Variants in ADCY9 observed in about 807,000 individuals in gnomAD.
ADCY9 encodes adenylate cyclase 9.
A neutral mutation model predicts 101.5 loss-of-function variants in ADCY9; 50 were observed. The ratio of observed to expected loss-of-function variants is 0.49; its 90% CI spans 0.39 to 0.62. The LOEUF is 0.62. ADCY9 is among the 20% of genes least tolerant of loss of function. The pLI is 0.00. For missense variants in ADCY9, 1,662 were observed against 1,800.4 expected (o/e 0.92, Z 1.39); for synonymous variants, 905 against 769.3 (o/e 1.18, Z -2.92).
rs58833048 is a variant in ADCY9, at chr16:4,070,120, A to ATGTG, written c.1693+43626_1693+43629dup. The stretch of plus-strand genomic sequence containing the variant: ...CTCAAAAAAATATGTATGTGTGTGT[A>ATGTG]TGTGTGTGTGTGTGTGTGTGTGTGT... On this transcript the variant is annotated intron_variant, in intron 2 of 10. Coordinates refer to ENST00000294016, the MANE Select transcript of ADCY9 (RefSeq NM_001116.4). 4.4e-3 allele frequency among the ~76,000 whole-genome samples: 664 copies of ATGTG among 149,680 alleles called. 8 individuals carry two copies. Among genetic ancestry groups the ATGTG allele is most frequent in the African/African-American group, 0.015 (619 of 40,726 alleles).
chr16:4,051,056 T>G (rs890912306), intron 2 of ADCY9, among the ~76,000 whole-genome samples: 16 of 150,928 alleles, frequency 1.1e-4, no homozygotes, highest in Middle Eastern at 3.2e-3. Flanking sequence ...CTACTAAATA[T>G]ACAAAAATTA....
chr16:3,966,578 C>T lies in ADCY9; in HGVS notation c.3259G>A (p.Glu1087Lys). ...AGCTCGTCAAAGTCCCCGATGAGCT[C>T]GTTGAGGACCCGGTAGCACTCCTTG... ...GGKECYRVLN[E>K]LIGDFDELLS... Residue 1087 changes from glutamate (E) to lysine (K), a missense_variant, in exon 11 of 11, where the codon GAG (glutamate) becomes AAG (lysine). This residue lies in a region of ADCY9 where 220 missense variants were observed against 312.9 expected (regional missense o/e 0.70). Transcript: ENST00000294016. 1 of 1,614,146 alleles carries T rather than the reference C, an allele frequency of 6.2e-7. No individual in the cohort carries two copies. The highest frequency in any genetic ancestry group is 8.5e-7 in the Non-Finnish European group (1 of 1,180,030).
intron 2 of ADCY9, among the ~76,000 whole-genome samples, chr16:4,008,881 G>T (rs1245830062): frequency 2.0e-5 from 3 of 152,160 alleles, no homozygotes; most frequent in Non-Finnish European, 2.9e-5. Flanking sequence ...TTAAGCTCCA[G>T]CTTCAGGTCG....
chr16:3,974,721 A>G lies in ADCY9; in HGVS notation c.2829-11T>C, dbSNP rs1453584590. ...GAAGTTAATACAGAACTGAAATTAA[A>G]ATGCAGAAAAATATTATCATAAAGA... On this transcript the variant is annotated splice_polypyrimidine_tract_variant and intron_variant, in intron 9 of 10. Transcript: ENST00000294016. 1 of 1,609,188 alleles carries G rather than the reference A, an allele frequency of 6.2e-7. No individual in the cohort carries two copies.
At chr16:3,978,705 G>GTTTAT (rs965186551) in intron 8 of ADCY9, among the ~76,000 whole-genome samples, 1 of 152,108 alleles carries the variant, frequency 6.6e-6, no homozygotes, top group Non-Finnish European at 1.5e-5. Flanking sequence ...CTCTTCAAGG[G>GTTTAT]TTTATTTTAT....
chr16:4,008,462 A>C (rs893903482), intron 2 of ADCY9, among the ~76,000 whole-genome samples: 15 of 152,284 alleles, frequency 9.9e-5, no homozygotes, highest in African/African-American at 3.6e-4. Context: ...CCAGATGGCA[A>C]ATGTATCGGA....
chr16:4,019,685 T>C (rs1377785247), intron 2 of ADCY9, among the ~76,000 whole-genome samples: 4 of 152,074 alleles, frequency 2.6e-5, no homozygotes, highest in Non-Finnish European at 5.9e-5. Flanking sequence ...AAAACCACTG[T>C]TGTCAAAGGA....
intron 2 of ADCY9, among the ~76,000 whole-genome samples, chr16:4,027,518 C>CA (rs1247177016): frequency 1.3e-5 from 2 of 152,196 alleles, no homozygotes; most frequent in African/African-American, 2.4e-5. Context: ...CAAGGAGGAG[C>CA]AAGTCACGTC....
At chr16:4,046,749 C>G (rs904739422) in intron 2 of ADCY9, among the ~76,000 whole-genome samples, 4 of 152,144 alleles carry the variant, frequency 2.6e-5, no homozygotes, top group African/African-American at 9.7e-5. Flanking sequence ...TGACATGATC[C>G]TTTTCTAAAA....
At chr16:4,003,861 G>T (rs2056349220) in intron 3 of ADCY9, among the ~76,000 whole-genome samples, 1 of 152,010 alleles carries the variant, frequency 6.6e-6, no homozygotes, top group Admixed American at 6.6e-5. Flanking sequence ...TTACTCCTTG[G>T]TTTCCTTCTT....
At chr16:3,993,075 G>A (rs905646860) in intron 4 of ADCY9, among the ~76,000 whole-genome samples, 1 of 152,022 alleles carries the variant, frequency 6.6e-6, no homozygotes, top group Non-Finnish European at 1.5e-5. Context: ...TCTTGTCTCT[G>A]CCCGTCTATA....
chr16:4,091,724 C>T (rs564952593), intron 2 of ADCY9, among the ~76,000 whole-genome samples: 5 of 152,306 alleles, frequency 3.3e-5, no homozygotes, highest in Admixed American at 2.6e-4. Context: ...ACGTATCCTA[C>T]GATTCCAAGT....
At chr16:4,068,648 A>G (rs1358960633) in intron 2 of ADCY9, among the ~76,000 whole-genome samples, 2 of 151,956 alleles carry the variant, frequency 1.3e-5, no homozygotes, top group Non-Finnish European at 2.9e-5. Context: ...CCCCGTCTCT[A>G]CTAAAAATAC....
rs763389710 is a variant in ADCY9, at chr16:3,966,050, G to A, written c.3787C>T (p.Arg1263Cys). 60 of 1,614,080 alleles carry A rather than the reference G, an allele frequency of 3.7e-5. No individual in the cohort carries two copies. The highest frequency in any genetic ancestry group is 1.6e-4 in the Middle Eastern group (1 of 6,084). The change falls in exon 11 of 11, where the codon CGC becomes TGC. Residue 1263 changes from arginine to cysteine, a missense_variant. By Grantham distance (180) the Arg-to-Cys change is radical (BLOSUM62 -3). Coordinates refer to ENST00000294016, the MANE Select transcript of ADCY9 (RefSeq NM_001116.4). ...CCGATGCTGCCATCCACCTGGACGCGGATGTCTGGGGAGATGGACAGCTGG... is the reference window on the plus strand; with the variant it reads ...CCGATGCTGCCATCCACCTGGACGCAGATGTCTGGGGAGATGGACAGCTGG... ...QHQLSISPDIRVQVDGSIGRS... is the reference protein window; with the variant it reads ...QHQLSISPDICVQVDGSIGRS...
chr16:4,105,426 CT>C (rs1259848044), intron 2 of ADCY9, among the ~76,000 whole-genome samples: 1 of 149,910 alleles, frequency 6.7e-6, no homozygotes, highest in Non-Finnish European at 1.5e-5. Context: ...AATCCCAGCA[CT>C]TTGAGAGGCT....
At chr16:4,065,383 C>A (rs1156282531) in intron 2 of ADCY9, among the ~76,000 whole-genome samples, 1 of 152,144 alleles carries the variant, frequency 6.6e-6, no homozygotes, top group Admixed American at 6.5e-5. Flanking sequence ...TGATGCTTTC[C>A]AATTTTATTC....
At chr16:4,034,014 C>T (rs560841438) in intron 2 of ADCY9, among the ~76,000 whole-genome samples, 128 of 152,280 alleles carry the variant, frequency 8.4e-4, no homozygotes, top group South Asian at 5.4e-3. Flanking sequence ...CTGCCACATA[C>T]GCAGATGAGG....
chr16:3,956,045 C>T (rs948142979), intron 5 of ADCY9, among the ~76,000 whole-genome samples: 4 of 151,752 alleles, frequency 2.6e-5, no homozygotes, highest in Non-Finnish European at 5.9e-5. Context: ...AAAAATTTTT[C>T]GTAGAAAAAA....
At chr16:3,973,592 G>A (rs1193190544) in intron 10 of ADCY9, among the ~76,000 whole-genome samples, 1 of 151,978 alleles carries the variant, frequency 6.6e-6, no homozygotes, top group African/African-American at 2.4e-5. Context: ...TCAAATTCCC[G>A]GCCTCAAGCC....
Sources: gnomAD v4.1 joint callset for allele counts (sites outside exome capture counted in the v4.1 genomes callset) on GRCh38, gnomAD v4.1.1 for gene constraint, gnomAD v4.1.1 regional missense constraint, MANE v1.5 for transcripts, NCBI Gene and HGNC (gene_info 2026-07-23, HGNC 2026-07-21) for gene names.